The following CDH8 variants were observed in gnomAD, a reference collection of about 807,000 sequenced individuals.
The protein encoded by CDH8 is cadherin-8.
In CDH8, 17 loss-of-function variants were observed where a neutral mutation model predicts 68.1. The observed-to-expected ratio is 0.25, with a 90% CI of 0.17 to 0.37. The LOEUF is 0.37. Ranked by LOEUF, CDH8 falls within the 10% of genes least tolerant of loss-of-function variation. The pLI, the probability that CDH8 is intolerant of heterozygous loss-of-function variation, is 1.00. For synonymous variants in CDH8, 372 were observed against 365.1 expected (o/e 1.02, Z -0.21); for missense variants, 763 against 999.3 (o/e 0.76, Z 3.19).
chr16:61,647,851 A>T lies in CDH8; in HGVS notation c.*5757T>A. ...TCCACAGTCTTTCTCTTCAGACAGCATCTTGTGATATTCCTCCTAGCAACC... is the reference window on the plus strand; with the variant it reads ...TCCACAGTCTTTCTCTTCAGACAGCTTCTTGTGATATTCCTCCTAGCAACC... On this transcript the variant is annotated 3_prime_UTR_variant, in exon 12 of 12. Coordinates refer to ENST00000577390, the MANE Select transcript of CDH8 (RefSeq NM_001796.5). 4.3e-6 allele frequency: 3 copies of T among 699,720 alleles called. No individual in the cohort carries two copies. Among genetic ancestry groups the T allele is most frequent in the Non-Finnish European group, 7.8e-6 (3 of 382,858 alleles). The allele number at this position is 699,720 out of a possible 1,614,324, so 43.3% of individuals were successfully genotyped here. A position where few individuals can be genotyped will look rare whatever the true frequency, so the allele number is the denominator to read the frequency against.
chr16:61,837,638 C>G (rs1172807058), intron 4 of CDH8, among the ~76,000 whole-genome samples: 1 of 152,066 alleles, frequency 6.6e-6, no homozygotes. Context: ...CAAACAGTCA[C>G]CACAATGTAT....
intron 3 of CDH8, among the ~76,000 whole-genome samples, chr16:61,897,615 TGG>T (rs1158707671): frequency 6.6e-6 from 1 of 152,194 alleles, no homozygotes; most frequent in Admixed American, 6.5e-5. Context: ...GATATAGGCT[TGG>T]CATGAAGATG....
chr16:61,728,083 G>A (rs889020620), intron 8 of CDH8, among the ~76,000 whole-genome samples: 5 of 151,038 alleles, frequency 3.3e-5, no homozygotes, highest in Non-Finnish European at 7.4e-5. Context: ...TATACAGAAT[G>A]CATTGGAGAT....
intron 8 of CDH8, among the ~76,000 whole-genome samples, chr16:61,758,317 T>A (rs1201608741): frequency 6.6e-6 from 1 of 152,202 alleles, no homozygotes; most frequent in Non-Finnish European, 1.5e-5. Context: ...ATTAGATTAC[T>A]ATATAGCTTT....
intron 4 of CDH8, among the ~76,000 whole-genome samples, chr16:61,833,687 C>T (rs1424396030): frequency 2.0e-5 from 3 of 151,882 alleles, no homozygotes; most frequent in Non-Finnish European, 2.9e-5. Context: ...CAAGCACTTT[C>T]CTTTCTTTGG....
intron 2 of CDH8, among the ~76,000 whole-genome samples, chr16:61,990,996 A>G (rs1162004396): frequency 1.3e-5 from 2 of 151,996 alleles, no homozygotes; most frequent in Non-Finnish European, 1.5e-5. Context: ...GAAGAAAGGG[A>G]GGAAGGAAAG....
At chr16:61,938,890 A>G (rs1267419499) in intron 2 of CDH8, among the ~76,000 whole-genome samples, 2 of 152,206 alleles carry the variant, frequency 1.3e-5, no homozygotes. Context: ...ATACTAAATG[A>G]GATGATATAT....
At chr16:61,872,947 G>A (rs1334265429) in intron 3 of CDH8, among the ~76,000 whole-genome samples, 1 of 152,174 alleles carries the variant, frequency 6.6e-6, no homozygotes, top group Non-Finnish European at 1.5e-5. Context: ...ATTAGCACCT[G>A]CATTCTAAAG....
intron 2 of CDH8, among the ~76,000 whole-genome samples, chr16:61,962,922 T>G (rs981664805): frequency 1.3e-5 from 2 of 152,216 alleles, no homozygotes; most frequent in African/African-American, 2.4e-5. Flanking sequence ...TGATCTTTTT[T>G]TCATTGAATT....
chr16:61,977,801 A>G (rs1965464391), intron 2 of CDH8, among the ~76,000 whole-genome samples: 1 of 152,198 alleles, frequency 6.6e-6, no homozygotes, highest in South Asian at 2.1e-4. Context: ...CCATGGAGAA[A>G]TTGTATTTAT....
At chr16:61,922,589 A>G (rs1156886623) in intron 2 of CDH8, among the ~76,000 whole-genome samples, 2 of 152,186 alleles carry the variant, frequency 1.3e-5, no homozygotes, top group Admixed American at 1.3e-4. Context: ...TGTACATGTG[A>G]AAAACTTTTT....
chr16:61,763,629 A>G (rs1307627153), intron 8 of CDH8, among the ~76,000 whole-genome samples: 1 of 152,178 alleles, frequency 6.6e-6, no homozygotes, highest in South Asian at 2.1e-4. Flanking sequence ...ATCAAGCGTT[A>G]CCTGGTTGCA....
At chr16:61,920,889 T>C (rs1208438069) in intron 2 of CDH8, among the ~76,000 whole-genome samples, 1 of 124,948 alleles carries the variant, frequency 8.0e-6, no homozygotes, top group Non-Finnish European at 1.6e-5. Flanking sequence ...ATTAAGAAAA[T>C]GTGGCACATA....
intron 2 of CDH8, among the ~76,000 whole-genome samples, chr16:61,943,033 G>T (rs765708495): frequency 5.3e-5 from 8 of 152,180 alleles, no homozygotes; most frequent in Non-Finnish European, 1.2e-4. Context: ...GCACCATCTT[G>T]CCTGGACAAA....
intron 2 of CDH8, among the ~76,000 whole-genome samples, chr16:61,954,232 G>T (rs1391474515): frequency 6.6e-6 from 1 of 151,978 alleles, no homozygotes; most frequent in Admixed American, 6.6e-5. Flanking sequence ...CATGGAGAAA[G>T]GAGGAGGAAA....
chr16:61,746,355 T>G (rs1394246951), intron 8 of CDH8, among the ~76,000 whole-genome samples: 1 of 151,964 alleles, frequency 6.6e-6, no homozygotes, highest in Non-Finnish European at 1.5e-5. Flanking sequence ...GTTGAATCAG[T>G]TAAACTCTGA....
At chr16:61,679,658 C>T (rs1477396102) in intron 10 of CDH8, among the ~76,000 whole-genome samples, 1 of 151,982 alleles carries the variant, frequency 6.6e-6, no homozygotes, top group Non-Finnish European at 1.5e-5. Context: ...ATCTTCAAAT[C>T]ATATGTTTGT....
chr16:61,793,309 AGGTAAAT>A (rs1311857036), intron 7 of CDH8, among the ~76,000 whole-genome samples: 3 of 151,926 alleles, frequency 2.0e-5, no homozygotes, highest in Non-Finnish European at 2.9e-5. Flanking sequence ...TTTATTACAT[AGGTAAAT>A]GTGTGTCATG....
At chr16:61,718,181 G>C (rs1959193835) in intron 9 of CDH8, among the ~76,000 whole-genome samples, 1 of 151,282 alleles carries the variant, frequency 6.6e-6, no homozygotes, top group Non-Finnish European at 1.5e-5. Context: ...CAATATTTTG[G>C]AGTGTGTAAG....
Sources: gnomAD v4.1 joint callset for allele counts (sites outside exome capture counted in the v4.1 genomes callset) on GRCh38, gnomAD v4.1.1 for gene constraint, MANE v1.5 for transcripts, NCBI Gene and HGNC (gene_info 2026-07-23, HGNC 2026-07-21) for gene names.